Variants in ADGRB3 observed in about 807,000 individuals in gnomAD.
The protein encoded by ADGRB3 is brain-specific angiogenesis inhibitor 3.
ADGRB3 carries 37 observed loss-of-function variants against 193.4 expected under a neutral mutation model. That is an observed-to-expected ratio of 0.19 (90% CI 0.15 to 0.25). The LOEUF is 0.25. Ranked by LOEUF, ADGRB3 falls within the 10% of genes least tolerant of loss-of-function variation. The pLI, the probability that ADGRB3 is intolerant of heterozygous loss-of-function variation, is 1.00. For synonymous variants in ADGRB3, 690 were observed against 644.2 expected, an observed-to-expected ratio of 1.07 and a Z score of -1.08; for missense variants, 1,637 against 1,852.9, an observed-to-expected ratio of 0.88 and a Z score of 2.14.
intron 3 of ADGRB3, among the ~76,000 whole-genome samples, chr6:68,824,035 G>C (rs191658799): frequency 3.3e-5 from 5 of 152,136 alleles, no homozygotes; most frequent in Admixed American, 3.3e-4. Context: ...CTTCATATTT[G>C]TCTCACTTGT....
At chr6:68,745,501 T>C (rs750430788) in intron 3 of ADGRB3, among the ~76,000 whole-genome samples, 7 of 152,156 alleles carry the variant, frequency 4.6e-5, no homozygotes, top group African/African-American at 7.2e-5. Context: ...GAAAAAGTTA[T>C]GAACATCTGT....
intron 3 of ADGRB3, among the ~76,000 whole-genome samples, chr6:68,668,937 G>A (rs756864736): frequency 2.6e-5 from 4 of 151,984 alleles, no homozygotes; most frequent in Middle Eastern, 6.8e-3. Context: ...TAATCATCCC[G>A]TAGCATTGTA....
intron 17 of ADGRB3, among the ~76,000 whole-genome samples, chr6:69,176,538 A>G (rs1256434611): frequency 6.6e-6 from 1 of 152,168 alleles, no homozygotes; most frequent in African/African-American, 2.4e-5. Context: ...TCAGTTTGCT[A>G]GTAATTTGAG....
At chr6:68,915,459 A>G (rs151103688) in intron 3 of ADGRB3, among the ~76,000 whole-genome samples, 2 of 152,342 alleles carry the variant, frequency 1.3e-5, no homozygotes, top group Non-Finnish European at 2.9e-5. Flanking sequence ...AGGGAAATGT[A>G]TAGGTGTTCA....
chr6:69,129,441 G>T (rs774044619), intron 17 of ADGRB3, among the ~76,000 whole-genome samples: 1 of 151,966 alleles, frequency 6.6e-6, no homozygotes, highest in Admixed American at 6.6e-5. Context: ...GTCAAGTGAA[G>T]AAATTAGTGA....
chr6:69,253,465 T>A (rs537536169), intron 20 of ADGRB3, among the ~76,000 whole-genome samples: 124 of 152,216 alleles, frequency 8.1e-4, no homozygotes, highest in Admixed American at 1.5e-3. Context: ...ATGAATTGGC[T>A]TCCTGAAATA....
At chr6:69,363,304 C>G (rs1010871243) in intron 29 of ADGRB3, among the ~76,000 whole-genome samples, 37 of 152,058 alleles carry the variant, frequency 2.4e-4, no homozygotes, top group African/African-American at 8.7e-4. Context: ...TTTGGTTCTT[C>G]ATTTTCATTC....
Position 68,866,313 on chromosome 6 carries a change from C to T in ADGRB3, c.758-64246C>T, listed in dbSNP as rs796134202. ...GATGGTTCAAAAGTGTGTGGCAATT[C>T]CCCCCTTGCTCCCTTTCTTTCTCCT... On this transcript the variant is annotated intron_variant, in intron 3 of 31. Coordinates refer to ENST00000370598, the MANE Select transcript of ADGRB3 (RefSeq NM_001704.3). Among the ~76,000 whole-genome samples the T allele has an allele frequency of 2.6e-5, 4 of 152,128 alleles. No individual in the cohort carries two copies. In the South Asian group the frequency reaches 6.2e-4, roughly 24 times the overall value.
chr6:69,045,216 G>A (rs1771202596), intron 13 of ADGRB3, among the ~76,000 whole-genome samples: 1 of 152,048 alleles, frequency 6.6e-6, no homozygotes, highest in Non-Finnish European at 1.5e-5. Context: ...TACAAGAACT[G>A]GAAAAAGAAG....
intron 17 of ADGRB3, among the ~76,000 whole-genome samples, chr6:69,100,074 T>A (rs978577761): frequency 1.3e-5 from 2 of 152,230 alleles, no homozygotes; most frequent in African/African-American, 4.8e-5. Flanking sequence ...AATTAACTCA[T>A]AGTATTTCCT....
At chr6:69,371,032 A>C (rs1298181866) in intron 29 of ADGRB3, among the ~76,000 whole-genome samples, 2 of 152,108 alleles carry the variant, frequency 1.3e-5, no homozygotes, top group Non-Finnish European at 2.9e-5. Flanking sequence ...GTTGGAGACA[A>C]GAAGAAAGTG....
rs573505335 is a variant in ADGRB3 at position 69,239,516 on chromosome 6, C to T, written c.2814+290C>T. Reference sequence around the variant, plus strand: ...AGTTCAAAGCTTTGGGACATCAAAGCACATATTTTGATTCATTAGTCTAAT... The same window carrying T: ...AGTTCAAAGCTTTGGGACATCAAAGTACATATTTTGATTCATTAGTCTAAT... On this transcript the variant is annotated intron_variant, in intron 20 of 31. Transcript: ENST00000370598. Among the ~76,000 whole-genome samples the T allele has an allele frequency of 9.9e-5, 15 of 151,972 alleles. No homozygotes were observed. The South Asian group carries it at 3.1e-3, about 32-fold the overall frequency.
intron 20 of ADGRB3, among the ~76,000 whole-genome samples, chr6:69,273,839 G>C (rs1305684095): frequency 6.6e-6 from 1 of 152,192 alleles, no homozygotes; most frequent in African/African-American, 2.4e-5. Flanking sequence ...TCCGCCATAT[G>C]GACTACTATT....
intron 3 of ADGRB3, among the ~76,000 whole-genome samples, chr6:68,842,259 TA>T (rs1768173487): frequency 6.6e-6 from 1 of 150,700 alleles, no homozygotes; most frequent in Non-Finnish European, 1.5e-5. Flanking sequence ...AAAAGATAAA[TA>T]AAATTGACAA....
At chr6:69,011,809 A>G (rs1469035718) in intron 11 of ADGRB3, among the ~76,000 whole-genome samples, 1 of 152,004 alleles carries the variant, frequency 6.6e-6, no homozygotes, top group Non-Finnish European at 1.5e-5. Flanking sequence ...ATGCTGCCCC[A>G]CTGCTTGAGA....
At chr6:69,387,971 G>A (rs1019974824) in intron 31 of ADGRB3, among the ~76,000 whole-genome samples, 1 of 151,866 alleles carries the variant, frequency 6.6e-6, no homozygotes, top group African/African-American at 2.4e-5. Context: ...TAATAATTCT[G>A]AAAAAATAGA....
At chr6:69,118,526 G>A (rs1773595771) in intron 17 of ADGRB3, among the ~76,000 whole-genome samples, 1 of 151,960 alleles carries the variant, frequency 6.6e-6, no homozygotes, top group African/African-American at 2.4e-5. Flanking sequence ...TCTAAATTCA[G>A]GCTTCAAGTA....
intron 17 of ADGRB3, among the ~76,000 whole-genome samples, chr6:69,223,974 A>G (rs964084559): frequency 7.2e-5 from 11 of 151,776 alleles, no homozygotes; most frequent in Non-Finnish European, 1.6e-4. Flanking sequence ...TTTGAATCTC[A>G]AAAGAATTTT....
At chr6:68,860,614 A>G (rs1197465868) in intron 3 of ADGRB3, among the ~76,000 whole-genome samples, 1 of 152,194 alleles carries the variant, frequency 6.6e-6, no homozygotes, top group Non-Finnish European at 1.5e-5. Flanking sequence ...TACCATATAT[A>G]TATGCCACAT....
Sources: allele counts gnomAD v4.1 joint callset (sites outside exome capture counted in the v4.1 genomes callset), GRCh38; gene constraint gnomAD v4.1.1; transcripts MANE v1.5; gene names NCBI Gene and HGNC (gene_info 2026-07-23, HGNC 2026-07-21).